The following DISP1 variants were observed in gnomAD, a reference collection of about 807,000 sequenced individuals.
DISP1 encodes the protein dispatched RND transporter family member 1, also known as protein dispatched homolog 1.
In DISP1, 30 loss-of-function variants were observed where a neutral mutation model predicts 37.3. The observed-to-expected ratio is 0.80, with a 90% CI of 0.60 to 1.09. The LOEUF (loss-of-function observed/expected upper bound fraction) is 1.09. Ranked by LOEUF, DISP1 falls within the 50% of genes least tolerant of loss-of-function variation. The pLI is 0.00. For synonymous variants in DISP1, 634 were observed against 690.2 expected, an observed-to-expected ratio of 0.92 and a Z score of 1.28; for missense variants, 1,598 against 1,879.5, an observed-to-expected ratio of 0.85 and a Z score of 2.77.
At chr1:222,842,743 G>A (rs1667686374) in intron 1 of DISP1, among the ~76,000 whole-genome samples, 1 of 151,974 alleles carries the variant, frequency 6.6e-6, no homozygotes, top group African/African-American at 2.4e-5. Flanking sequence ...AAGTCCTGTG[G>A]TAATAAAAAT....
At chr1:222,931,725 A>G (rs1673413211) in intron 2 of DISP1, among the ~76,000 whole-genome samples, 1 of 149,502 alleles carries the variant, frequency 6.7e-6, no homozygotes, top group Non-Finnish European at 1.5e-5. Context: ...TTTAGGGAAC[A>G]TGCTCTTTTA....
chr1:222,835,772 T>C (rs1348918408), intron 1 of DISP1, among the ~76,000 whole-genome samples: 1 of 152,000 alleles, frequency 6.6e-6, no homozygotes, highest in Non-Finnish European at 1.5e-5. Flanking sequence ...GCCAACATGG[T>C]GAAACTCTGT....
intron 1 of DISP1, among the ~76,000 whole-genome samples, chr1:222,845,480 T>A (rs1667848428): frequency 6.6e-6 from 1 of 152,226 alleles, no homozygotes; most frequent in Non-Finnish European, 1.5e-5. Flanking sequence ...ACTTTTTCCA[T>A]GTAAGAGACA....
chr1:222,994,493 C>T (rs761916256), intron 7 of DISP1, among the ~76,000 whole-genome samples: 5 of 152,188 alleles, frequency 3.3e-5, no homozygotes. Context: ...GAGAACATCC[C>T]TATAATCCAT....
intron 4 of DISP1, among the ~76,000 whole-genome samples, chr1:222,987,235 T>C (rs906373249): frequency 2.5e-4 from 38 of 152,220 alleles, no homozygotes; most frequent in Non-Finnish European, 5.0e-4. Context: ...ACAGCTATAC[T>C]ATATATTTGC....
intron 1 of DISP1, among the ~76,000 whole-genome samples, chr1:222,892,245 A>G (rs1205497225): frequency 6.6e-6 from 1 of 152,198 alleles, no homozygotes; most frequent in Non-Finnish European, 1.5e-5. Flanking sequence ...AACAGCAGGA[A>G]ACATGACACA....
At chr1:222,863,586 C>T (rs867388202) in intron 1 of DISP1, among the ~76,000 whole-genome samples, 14 of 151,702 alleles carry the variant, frequency 9.2e-5, no homozygotes, top group African/African-American at 2.9e-4. Context: ...GTAAATATCT[C>T]GTCCCTCATT....
chr1:222,996,995 A>C (rs1179772141), intron 8 of DISP1, among the ~76,000 whole-genome samples: 1 of 151,228 alleles, frequency 6.6e-6, no homozygotes, highest in East Asian at 1.9e-4. Flanking sequence ...GGCTTTCATA[A>C]ATAAAAGTAG....
intron 1 of DISP1, among the ~76,000 whole-genome samples, chr1:222,820,312 C>T (rs998629430): frequency 6.6e-6 from 1 of 152,096 alleles, no homozygotes; most frequent in Admixed American, 6.5e-5. Flanking sequence ...CTACTTGGGG[C>T]ACATAGTGAC....
chr1:222,877,051 G>A (rs1670010278), intron 1 of DISP1, among the ~76,000 whole-genome samples: 1 of 152,170 alleles, frequency 6.6e-6, no homozygotes, highest in African/African-American at 2.4e-5. Flanking sequence ...GGAGTCAGAG[G>A]AGCATGGATT....
intron 6 of DISP1, 100 bp downstream of exon 6, chr1:222,991,747 GT>G: frequency 7.4e-7 from 1 of 1,348,744 alleles, no homozygotes; most frequent in African/African-American, 1.5e-5. Flanking sequence ...TGTAAAATGT[GT>G]GGCTCAAAAT....
chr1:222,972,850 C>G (rs1448919341), intron 3 of DISP1, among the ~76,000 whole-genome samples: 5 of 151,976 alleles, frequency 3.3e-5, no homozygotes, highest in African/African-American at 1.2e-4. Flanking sequence ...GCAAATTGTC[C>G]AAGACAGTGG....
intron 4 of DISP1, among the ~76,000 whole-genome samples, chr1:222,986,548 C>T (rs1678287886): frequency 1.3e-5 from 2 of 152,204 alleles, no homozygotes; most frequent in African/African-American, 4.8e-5. Context: ...CCAGTGAAAA[C>T]TCCAGCATGG....
At chr1:222,889,560 A>AT (rs35743676) in intron 1 of DISP1, among the ~76,000 whole-genome samples, 2,328 of 141,776 alleles carry the variant, frequency 0.016, 46 homozygotes, top group African/African-American at 0.053. Flanking sequence ...CCATGCAACT[A>AT]TTTTTTTTTT....
At chr1:222,881,625 G>C (rs1670286679) in intron 1 of DISP1, among the ~76,000 whole-genome samples, 1 of 152,208 alleles carries the variant, frequency 6.6e-6, no homozygotes, top group South Asian at 2.1e-4. Flanking sequence ...TGTGAGGTAA[G>C]AGCCATGCTT....
At chr1:222,854,902 T>C (rs1297517212) in intron 1 of DISP1, among the ~76,000 whole-genome samples, 1 of 152,016 alleles carries the variant, frequency 6.6e-6, no homozygotes, top group African/African-American at 2.4e-5. Context: ...CTAACAGTTA[T>C]TTGTGTGGCC....
chr1:222,838,720 A>G (rs977678195), intron 1 of DISP1, among the ~76,000 whole-genome samples: 5 of 152,214 alleles, frequency 3.3e-5, no homozygotes, highest in African/African-American at 9.7e-5. Context: ...ACAGTGAGCT[A>G]TGATTGTGCC....
intron 3 of DISP1, among the ~76,000 whole-genome samples, chr1:222,966,849 G>A (rs1215079420): frequency 6.6e-6 from 1 of 150,610 alleles, no homozygotes; most frequent in Non-Finnish European, 1.5e-5. Context: ...AATGATGTAA[G>A]GGATTTAAGA....
chr1:222,877,942 C>T lies in DISP1; in HGVS notation c.-158-50488C>T, dbSNP rs1572406247. On this transcript the variant is annotated intron_variant, in intron 1 of 8. Coordinates refer to ENST00000675850, the MANE Select transcript of DISP1 (RefSeq NM_001377229.1). ...CCAATAGAAGCTGAAGAGAGGCCAGCGAAATGGAGCAGAGTTCCAGTGGGA... is the reference window on the plus strand; with the variant it reads ...CCAATAGAAGCTGAAGAGAGGCCAGTGAAATGGAGCAGAGTTCCAGTGGGA... Among the ~76,000 whole-genome samples, 4 of 152,164 alleles carry T rather than the reference C, an allele frequency of 2.6e-5. No individual in the cohort carries two copies. The South Asian group carries it at 6.2e-4, about 24-fold the overall frequency.
Sources: allele counts gnomAD v4.1 joint callset (sites outside exome capture counted in the v4.1 genomes callset), GRCh38; gene constraint gnomAD v4.1.1; transcripts MANE v1.5; gene names NCBI Gene and HGNC (gene_info 2026-07-23, HGNC 2026-07-21).